The following TMEM131 variants were observed in gnomAD, a reference collection of about 807,000 sequenced individuals.
TMEM131 encodes 2610524E03Rik.
In TMEM131, 66 loss-of-function variants were observed where a neutral mutation model predicts 211.6. The observed-to-expected ratio is 0.31, with a 90% confidence interval of 0.26 to 0.38. TMEM131 has a LOEUF of 0.38. Among genes scored for constraint, TMEM131 ranks in the 10% least tolerant of loss-of-function variants. The pLI is 1.00. For missense variants in TMEM131, 2,036 were observed against 2,299.3 expected, an observed-to-expected ratio of 0.89 and a Z score of 2.34; for synonymous variants, 844 against 841.3, an observed-to-expected ratio of 1.00 and a Z score of -0.06.
At chr2:97,929,748 T>C (rs1180145334) in intron 1 of TMEM131, among the ~76,000 whole-genome samples, 1 of 151,818 alleles carries the variant, frequency 6.6e-6, no homozygotes, top group African/African-American at 2.4e-5. Flanking sequence ...TAGAGAATAT[T>C]CAATAAATAC....
intron 25 of TMEM131, among the ~76,000 whole-genome samples, chr2:97,798,349 T>A (rs576829158): frequency 1.3e-5 from 2 of 152,360 alleles, no homozygotes; most frequent in Admixed American, 6.5e-5. Flanking sequence ...GCTATAAACA[T>A]CCACCAGTTC....
intron 4 of TMEM131, among the ~76,000 whole-genome samples, chr2:97,886,747 G>C (rs1240037676): frequency 2.0e-5 from 3 of 152,180 alleles, no homozygotes; most frequent in African/African-American, 4.8e-5. Context: ...AGCAGCACAA[G>C]CACGTGTTTA....
intron 2 of TMEM131, among the ~76,000 whole-genome samples, chr2:97,917,021 G>A (rs571841546): frequency 6.6e-6 from 1 of 151,890 alleles, no homozygotes; most frequent in African/African-American, 2.4e-5. Context: ...GTACTTCTAG[G>A]CCTCCTTACA....
At chr2:97,882,857 G>A (rs895714193) in intron 4 of TMEM131, among the ~76,000 whole-genome samples, 6 of 152,158 alleles carry the variant, frequency 3.9e-5, no homozygotes, top group African/African-American at 1.2e-4. Context: ...AACAAACTCC[G>A]CTCAGTGTTC....
intron 11 of TMEM131, chr2:97,827,499 GGA>G (rs1245985600): frequency 9.2e-7 from 1 of 1,089,268 alleles, no homozygotes; most frequent in African/African-American, 1.5e-5. Flanking sequence ...CGAAAACTGA[GGA>G]GAGTCCAGCC....
At chr2:97,934,857 C>T (rs1334476870) in intron 1 of TMEM131, among the ~76,000 whole-genome samples, 1 of 152,192 alleles carries the variant, frequency 6.6e-6, no homozygotes, top group East Asian at 1.9e-4. Context: ...ACAACTTATA[C>T]AAAAATTAAC....
At chr2:97,868,832 T>C in intron 4 of TMEM131, among the ~76,000 whole-genome samples, 1 of 152,196 alleles carries the variant, frequency 6.6e-6, no homozygotes, top group East Asian at 1.9e-4. Flanking sequence ...TGAATTCCTC[T>C]TGCCTCCGTG....
intron 4 of TMEM131, among the ~76,000 whole-genome samples, chr2:97,880,679 G>T (rs1674888886): frequency 6.6e-6 from 1 of 152,124 alleles, no homozygotes; most frequent in African/African-American, 2.4e-5. Context: ...TTAGTGTGGT[G>T]TTGGAGACAC....
At position 97,759,761 on chromosome 2, in the gene TMEM131, A is replaced by C. The variant is rs1302164018; in HGVS notation, c.5109-12T>G. 2 of 1,605,436 alleles carry C rather than the reference A, an allele frequency of 1.2e-6. No individual in the cohort carries two copies. Among genetic ancestry groups the C allele is most frequent in the Non-Finnish European group, 1.7e-6 (2 of 1,174,924 alleles). ...TCCACAAACCCGAGCTAAATGTTAC[A>C]AGAGGAAAACGCAACACACAAAAAT... On this transcript the variant is annotated splice_polypyrimidine_tract_variant and intron_variant, in intron 38 of 40. Transcript: ENST00000186436.
At chr2:97,850,764 T>A (rs1312205279) in intron 5 of TMEM131, among the ~76,000 whole-genome samples, 1 of 152,194 alleles carries the variant, frequency 6.6e-6, no homozygotes, top group Non-Finnish European at 1.5e-5. Flanking sequence ...AATTATGGTA[T>A]TCCTACCCAA....
intron 1 of TMEM131, among the ~76,000 whole-genome samples, chr2:97,962,392 T>G (rs1029839008): frequency 8.5e-5 from 13 of 152,056 alleles, no homozygotes; most frequent in African/African-American, 2.2e-4. Flanking sequence ...TAGTCCCAGC[T>G]ACTTGGGAGG....
intron 3 of TMEM131, among the ~76,000 whole-genome samples, chr2:97,901,474 C>T (rs1675850564): frequency 2.0e-5 from 3 of 152,130 alleles, no homozygotes; most frequent in Admixed American, 2.0e-4. Flanking sequence ...TTCAAAGATA[C>T]ACCTGCAACC....
At chr2:97,916,260 C>CT (rs1281338238) in intron 2 of TMEM131, among the ~76,000 whole-genome samples, 2 of 152,158 alleles carry the variant, frequency 1.3e-5, no homozygotes, top group Non-Finnish European at 1.5e-5. Flanking sequence ...TTTTGTACCA[C>CT]TTATTGTACT....
Position 97,792,897 on chromosome 2 carries a change from A to G in TMEM131, c.3633T>C (p.His1211=). 1 of 1,613,282 alleles carries G rather than the reference A, an allele frequency of 6.2e-7. No individual in the cohort carries two copies. ...GGTGGACCGATGGGCCACACTGCTT[A>G]TGACTCCCGGCACTGGGTCGGGATG... is the stretch of plus-strand genomic sequence containing the variant. ...GSSSRPSAGS[H]KQCGPSVHPH... The change falls in exon 31 of 41, where the codon CAT becomes CAC. Residue 1211 remains histidine (H), a synonymous_variant. Coordinates refer to ENST00000186436, the MANE Select transcript of TMEM131 (RefSeq NM_015348.2).
At chr2:97,852,681 G>C (rs1055275988) in intron 5 of TMEM131, among the ~76,000 whole-genome samples, 1 of 152,220 alleles carries the variant, frequency 6.6e-6, no homozygotes, top group African/African-American at 2.4e-5. Context: ...AGAAGATCTA[G>C]CTAAGATCAT....
Position 97,757,288 on chromosome 2 carries a change from A to T in TMEM131, c.5463T>A (p.Thr1821=). 1 of 1,613,612 alleles carries T rather than the reference A, an allele frequency of 6.2e-7. No homozygotes were observed. Among genetic ancestry groups the T allele is most frequent in the Non-Finnish European group, 8.5e-7 (1 of 1,179,824 alleles). Residue 1821 remains threonine, a synonymous_variant, in exon 41 of 41, where the codon ACT becomes ACA. Transcript: ENST00000186436. ...CGATGCTTGCCAGCGTGTTTGCTGG[A>T]GTGGTGAAGGGAAGGGCGCTGCTAA... ...SNLSSALPFT[T]PANTLASIGL... is the part of the protein sequence containing the mutation.
At chr2:97,911,218 C>T (rs1240936637) in intron 2 of TMEM131, among the ~76,000 whole-genome samples, 1 of 152,114 alleles carries the variant, frequency 6.6e-6, no homozygotes, top group Non-Finnish European at 1.5e-5. Flanking sequence ...TGTATGACTC[C>T]ATTTATATAA....
intron 3 of TMEM131, among the ~76,000 whole-genome samples, chr2:97,907,629 G>T (rs1231661169): frequency 6.6e-6 from 1 of 152,192 alleles, no homozygotes; most frequent in Non-Finnish European, 1.5e-5. Context: ...GTAGCTAAGT[G>T]TCTGATTTCA....
At chr2:97,903,355 C>T (rs1011107961) in intron 3 of TMEM131, among the ~76,000 whole-genome samples, 1 of 152,196 alleles carries the variant, frequency 6.6e-6, no homozygotes, top group Non-Finnish European at 1.5e-5. Context: ...TCAATCTTAA[C>T]TTCAATCAGA....
Sources: gnomAD v4.1 joint callset for allele counts (sites outside exome capture counted in the v4.1 genomes callset) on GRCh38, gnomAD v4.1.1 for gene constraint, MANE v1.5 for transcripts, NCBI Gene and HGNC (gene_info 2026-07-23, HGNC 2026-07-21) for gene names.